The following ATG7 variants were observed in gnomAD, a reference collection of about 807,000 sequenced individuals.
ATG7 encodes ubiquitin-like modifier-activating enzyme ATG7.
Under a neutral mutation model 82.4 loss-of-function variants are expected in ATG7, and 70 were observed. The observed-to-expected ratio is 0.85, with a 90% CI of 0.70 to 1.04. The LOEUF (loss-of-function observed/expected upper bound fraction) is 1.04, where lower values mean the gene tolerates loss of function less well. Among genes scored for constraint, ATG7 ranks in the 50% least tolerant of loss-of-function variants. The probability of loss-of-function intolerance (pLI) is 0.00; values close to 1 mark genes in which losing one functional copy is unlikely to be tolerated. For synonymous variants in ATG7, 287 were observed against 313.0 expected, an observed-to-expected ratio of 0.92 and a Z score of 0.88; for missense variants, 792 against 864.3, an observed-to-expected ratio of 0.92 and a Z score of 1.05.
chr3:11,365,247 C>T (rs2595004), intron 18 of ATG7, among the ~76,000 whole-genome samples: 133,613 of 152,206 alleles, frequency 0.88, 59,033 homozygotes, highest in East Asian at 1. Flanking sequence ...TTTACTGTTG[C>T]TTGTTATTAT....
intron 19 of ATG7, among the ~76,000 whole-genome samples, chr3:11,406,173 A>G (rs762481923): frequency 6.6e-6 from 1 of 152,028 alleles, no homozygotes; most frequent in Non-Finnish European, 1.5e-5. Flanking sequence ...TATTTTTGGT[A>G]GAAATGGGGT....
At chr3:11,339,893 T>TG (rs1327859626) in intron 11 of ATG7, among the ~76,000 whole-genome samples, 2 of 152,140 alleles carry the variant, frequency 1.3e-5, no homozygotes, top group Non-Finnish European at 2.9e-5. Flanking sequence ...TGAGTGGTAG[T>TG]GGGGGCTGGA....
intron 13 of ATG7, among the ~76,000 whole-genome samples, chr3:11,344,664 C>T (rs1009510611): frequency 9.2e-5 from 14 of 151,658 alleles, no homozygotes; most frequent in Non-Finnish European, 1.0e-4. Flanking sequence ...CTCAGGAGTT[C>T]GAGACCAGCC....
intron 9 of ATG7, among the ~76,000 whole-genome samples, chr3:11,330,686 G>A (rs1951521796): frequency 6.6e-6 from 1 of 152,182 alleles, no homozygotes; most frequent in African/African-American, 2.4e-5. Flanking sequence ...TTGAAAGGAA[G>A]GAGACAGAAA....
rs143390505 is a variant in ATG7, at chr3:11,404,180, C to T, written c.1957-22624C>T. Among the ~76,000 whole-genome samples the T allele has an allele frequency of 4.9e-3, 692 of 140,236 alleles. 8 individuals carry two copies. Among genetic ancestry groups the T allele is most frequent in the Non-Finnish European group, 6.5e-3 (430 of 66,458 alleles). The allele number at this position is 140,236 out of a possible 152,430, so 92.0% of individuals were successfully genotyped here. A position where few individuals can be genotyped will look rare whatever the true frequency, so the allele number is the denominator to read the frequency against. On this transcript the variant is annotated intron_variant, in intron 19 of 20. Coordinates refer to ENST00000693202, the MANE Select transcript of ATG7 (RefSeq NM_001349232.2). ...TAGAGTCTTGCTCTGTCGCCCAGACCGGAGTGCAGTGGTGCGATCTTCTCG... is the reference window on the plus strand; with the variant it reads ...TAGAGTCTTGCTCTGTCGCCCAGACTGGAGTGCAGTGGTGCGATCTTCTCG...
chr3:11,564,868 T>A, the ATG7 span: 1 of 1,609,348 alleles, frequency 6.2e-7, no homozygotes, highest in African/African-American at 1.3e-5. Context: ...CTGTTCTTGG[T>A]CAGTGCGAGG....
chr3:11,288,855 G>A (rs1048679514), intron 3 of ATG7: 4 of 152,138 alleles, frequency 2.6e-5, no homozygotes, highest in African/African-American at 7.2e-5. Context: ...ACACAGCCCC[G>A]GGGGATTGTA....
chr3:11,508,994 CCAAA>C (rs2091899719), intron 20 of ATG7, among the ~76,000 whole-genome samples: 1 of 152,214 alleles, frequency 6.6e-6, no homozygotes, highest in African/African-American at 2.4e-5. Flanking sequence ...CAGACTTTTT[CCAAA>C]CAAACAGATC....
chr3:11,307,453 C>A (rs899638323), intron 6 of ATG7, among the ~76,000 whole-genome samples: 1 of 152,166 alleles, frequency 6.6e-6, no homozygotes, highest in Non-Finnish European at 1.5e-5. Flanking sequence ...TGCACCATGG[C>A]GGTAGAGGAG....
chr3:11,451,749 T>C (rs560060943), intron 20 of ATG7, among the ~76,000 whole-genome samples: 2 of 101,324 alleles, frequency 2.0e-5, no homozygotes, highest in East Asian at 3.6e-4. Flanking sequence ...TTGGCAACCA[T>C]AGAAAATATT....
At chr3:11,548,922 G>A (rs537650047) in intron 20 of ATG7, among the ~76,000 whole-genome samples, 21 of 152,390 alleles carry the variant, frequency 1.4e-4, no homozygotes, top group African/African-American at 4.6e-4. Flanking sequence ...CGTAGGAATC[G>A]TGGCTGTTGC....
chr3:11,370,673 G>A (rs1050145341), intron 18 of ATG7, among the ~76,000 whole-genome samples: 5 of 151,098 alleles, frequency 3.3e-5, no homozygotes, highest in Admixed American at 1.3e-4. Flanking sequence ...TGGGTCTGAA[G>A]CTAATTTTAC....
chr3:11,501,379 T>TA (rs2091306466), intron 20 of ATG7, among the ~76,000 whole-genome samples: 1 of 152,264 alleles, frequency 6.6e-6, no homozygotes, highest in African/African-American at 2.4e-5. Context: ...AGTTAGTAGA[T>TA]ACTAGCTGTT....
chr3:11,363,241 CTTTTT>C, intron 17 of ATG7: 1 of 155,506 alleles, frequency 6.4e-6, no homozygotes, highest in Non-Finnish European at 1.4e-5. Context: ...CTCCTTCAAT[CTTTTT>C]TTTTTTTTTT....
chr3:11,313,187 G>C (rs1266788105), intron 7 of ATG7, 117 bp from the exon 8 acceptor site: 2 of 589,764 alleles, frequency 3.4e-6, no homozygotes, highest in South Asian at 2.8e-5. Context: ...AAGCTGGACA[G>C]ACTTTGTTTG....
chr3:11,405,647 A>T (rs182750548), intron 19 of ATG7, among the ~76,000 whole-genome samples: 246 of 152,052 alleles, frequency 1.6e-3, no homozygotes, highest in South Asian at 4.4e-3. Flanking sequence ...TATTTTTGAG[A>T]CAGGATCTCT....
At chr3:11,375,039 TA>T (rs1201010073) in intron 18 of ATG7, among the ~76,000 whole-genome samples, 35 of 4,098 alleles carry the variant, frequency 8.5e-3, no homozygotes, top group Admixed American at 0.017. Context: ...TCATCTCTCT[TA>T]AAAAAAAAAA....
chr3:11,305,407 G>A (rs1947559463), intron 5 of ATG7, among the ~76,000 whole-genome samples: 1 of 152,176 alleles, frequency 6.6e-6, no homozygotes, highest in Non-Finnish European at 1.5e-5. Context: ...GGGAAGTTTG[G>A]GAAGAAGGGT....
chr3:11,383,525 A>G (rs1194476695), intron 19 of ATG7, among the ~76,000 whole-genome samples: 1 of 151,916 alleles, frequency 6.6e-6, no homozygotes, highest in Admixed American at 6.6e-5. Context: ...GCTCACTGCA[A>G]CCTCCGCCTG....
Sources: allele counts gnomAD v4.1 joint callset (sites outside exome capture counted in the v4.1 genomes callset), GRCh38; gene constraint gnomAD v4.1.1; transcripts MANE v1.5; gene names NCBI Gene and HGNC (gene_info 2026-07-23, HGNC 2026-07-21).